BNC2: variants seen among roughly 807,000 people sequenced by gnomAD.
BNC2 encodes the protein basonuclin zinc finger protein 2.
A neutral mutation model predicts 76.3 loss-of-function variants in BNC2; 20 were observed. The ratio of observed to expected loss-of-function variants is 0.26; its 90% CI spans 0.18 to 0.38. BNC2 has a LOEUF of 0.38. BNC2 is among the 10% of genes least tolerant of loss of function. The pLI is 1.00. For missense variants in BNC2, 1,382 were observed against 1,399.8 expected (o/e 0.99, Z 0.20); for synonymous variants, 582 against 514.8 (o/e 1.13, Z -1.77).
chr9:16,812,273 C>T (rs1185610621), intron 1 of BNC2, among the ~76,000 whole-genome samples: 1 of 152,208 alleles, frequency 6.6e-6, no homozygotes, highest in Non-Finnish European at 1.5e-5. Context: ...GGCTTCTTCA[C>T]CTCTCCATCC....
At chr9:16,812,474 G>C (rs77681302) in intron 1 of BNC2, among the ~76,000 whole-genome samples, 1,656 of 152,290 alleles carry the variant, frequency 0.011, 34 homozygotes, top group African/African-American at 0.037. Context: ...GTGCAGGTGT[G>C]AGATCATCCC....
At chr9:16,827,814 G>C (rs920085010) in intron 1 of BNC2, among the ~76,000 whole-genome samples, 3 of 152,048 alleles carry the variant, frequency 2.0e-5, no homozygotes, top group African/African-American at 7.2e-5. Context: ...AAACAAAAAA[G>C]AAAATGGGCC....
chr9:16,437,206 G>C lies in BNC2; in HGVS notation c.988C>G (p.Pro330Ala), dbSNP rs756458931. 1 of 1,614,156 alleles carries C rather than the reference G, an allele frequency of 6.2e-7. No homozygotes were observed. The highest frequency in any genetic ancestry group is 8.5e-7 in the Non-Finnish European group (1 of 1,180,022). Residue 330 changes from proline to alanine, a missense_variant, in exon 6 of 7, where the codon CCT becomes GCT. Pro to Ala is a conservative substitution (Grantham distance 27, BLOSUM62 -1). Coordinates refer to ENST00000380672, the MANE Select transcript of BNC2 (RefSeq NM_017637.6). Reference sequence around the variant, plus strand: ...AACCCTAGCAGTGGTGCTGAGACAGGGTTTATGTACTGGAATGGAAGCAGA... The same window carrying C: ...AACCCTAGCAGTGGTGCTGAGACAGCGTTTATGTACTGGAATGGAAGCAGA... ...AFLLPFQYIN[P>A]VSAPLLGLPP...
chr9:16,441,048 G>A (rs1337983985), intron 5 of BNC2, among the ~76,000 whole-genome samples: 2 of 152,072 alleles, frequency 1.3e-5, no homozygotes, highest in Admixed American at 1.3e-4. Flanking sequence ...ATCATTGGCT[G>A]CGCGTTGTGG....
chr9:16,542,526 C>T (rs969879912), intron 5 of BNC2, among the ~76,000 whole-genome samples: 2 of 152,210 alleles, frequency 1.3e-5, no homozygotes, highest in African/African-American at 2.4e-5. Context: ...TCATGCATCA[C>T]TAGCTAGTTA....
Position 16,417,523 on chromosome 9 carries a change from G to C in BNC2, c.*1466C>G, listed in dbSNP as rs1392979210. 1 of 152,188 alleles carries C rather than the reference G, an allele frequency of 6.6e-6. No homozygotes were observed. The highest frequency in any genetic ancestry group is 3.2e-3 in the Middle Eastern group (1 of 316). 9.4% of individuals were successfully genotyped at this position (152,188 alleles called of 1,614,324 possible). Reference sequence around the variant, plus strand: ...TTCAAGTTTAGCACATGTTTTCAAAGCTTCCAAGTACTGCTGCTGTTAAAT... The same window carrying C: ...TTCAAGTTTAGCACATGTTTTCAAACCTTCCAAGTACTGCTGCTGTTAAAT... On this transcript the variant is annotated 3_prime_UTR_variant, in exon 7 of 7. Coordinates refer to ENST00000380672, the MANE Select transcript of BNC2 (RefSeq NM_017637.6).
At position 16,753,447 on chromosome 9, in the gene BNC2, A is replaced by G. The variant is rs1000915702; in HGVS notation, c.4-14962T>C. On this transcript the variant is annotated intron_variant, in intron 1 of 6. Coordinates refer to ENST00000380672, the MANE Select transcript of BNC2 (RefSeq NM_017637.6). ...CACTCTTCACACGGGAAAGCAAATT[A>G]CAAAACTTATCATGCCAACACTACA... 7.9e-4 allele frequency among the ~76,000 whole-genome samples: 121 copies of G among 152,234 alleles called. 4 individuals are homozygous for G. Among genetic ancestry groups the G allele is most frequent in the Non-Finnish European group, 1.0e-4 (7 of 68,038 alleles).
chr9:16,502,471 T>C (rs988381244), intron 5 of BNC2, among the ~76,000 whole-genome samples: 2 of 152,216 alleles, frequency 1.3e-5, no homozygotes, highest in South Asian at 2.1e-4. Flanking sequence ...GTTACTAACA[T>C]TCCATAGAAT....
chr9:16,702,288 T>A (rs1353885353), intron 3 of BNC2, among the ~76,000 whole-genome samples: 1 of 152,186 alleles, frequency 6.6e-6, no homozygotes, highest in Non-Finnish European at 1.5e-5. Flanking sequence ...AAATCAAGTT[T>A]CAAGATCCAC....
At chr9:16,600,302 T>C (rs1820210982) in intron 3 of BNC2, among the ~76,000 whole-genome samples, 1 of 152,214 alleles carries the variant, frequency 6.6e-6, no homozygotes, top group South Asian at 2.1e-4. Context: ...ATAGAGCTGG[T>C]GATAAGCATG....
intron 3 of BNC2, among the ~76,000 whole-genome samples, chr9:16,620,656 G>A (rs182811123): frequency 1.5e-4 from 23 of 152,254 alleles, no homozygotes; most frequent in Non-Finnish European, 3.2e-4. Context: ...ATTTGTAAAA[G>A]CCTATAAATA....
chr9:16,515,560 G>C (rs563107231), intron 5 of BNC2, among the ~76,000 whole-genome samples: 33 of 151,940 alleles, frequency 2.2e-4, no homozygotes, highest in African/African-American at 7.2e-4. Context: ...AAGATCTGAC[G>C]CTTAGTGAGG....
At chr9:16,533,296 G>A (rs1479217229) in intron 5 of BNC2, among the ~76,000 whole-genome samples, 1 of 152,162 alleles carries the variant, frequency 6.6e-6, no homozygotes, top group African/African-American at 2.4e-5. Context: ...CAAACACAAA[G>A]ATTAAGTATC....
intron 1 of BNC2, among the ~76,000 whole-genome samples, chr9:16,830,211 T>C (rs768438630): frequency 1.3e-5 from 2 of 152,204 alleles, no homozygotes; most frequent in African/African-American, 2.4e-5. Context: ...CAAAACTGCA[T>C]TGGAGGGCAA....
intron 5 of BNC2, among the ~76,000 whole-genome samples, chr9:16,464,377 T>C (rs1821659672): frequency 6.6e-6 from 1 of 152,030 alleles, no homozygotes; most frequent in African/African-American, 2.4e-5. Flanking sequence ...TATTATTTTT[T>C]AATATTTAAA....
At chr9:16,809,893 G>C (rs1306781895) in intron 1 of BNC2, among the ~76,000 whole-genome samples, 1 of 152,154 alleles carries the variant, frequency 6.6e-6, no homozygotes. Context: ...GAATAAGAAT[G>C]TATTATTTAA....
chr9:16,628,744 C>A (rs1190712339), intron 3 of BNC2, among the ~76,000 whole-genome samples: 1 of 152,178 alleles, frequency 6.6e-6, no homozygotes, highest in African/African-American at 2.4e-5. Context: ...ACAAAGCATT[C>A]TGAAAAAGAT....
chr9:16,751,536 G>A (rs896959503), intron 1 of BNC2, among the ~76,000 whole-genome samples: 3 of 136,940 alleles, frequency 2.2e-5, no homozygotes, highest in African/African-American at 5.3e-5. Context: ...ATCAAACACT[G>A]TGAAGAGTCA....
chr9:16,667,080 TACACAC>T (rs139744564), intron 3 of BNC2, among the ~76,000 whole-genome samples: 61 of 142,494 alleles, frequency 4.3e-4, no homozygotes, highest in African/African-American at 5.1e-4. Flanking sequence ...CAGATACACA[TACACAC>T]ACACACACAC....
Sources: gnomAD v4.1 joint callset for allele counts (sites outside exome capture counted in the v4.1 genomes callset) on GRCh38, gnomAD v4.1.1 for gene constraint, MANE v1.5 for transcripts, NCBI Gene and HGNC (gene_info 2026-07-23, HGNC 2026-07-21) for gene names.